Variants in ANKRD10 observed in about 807,000 individuals in gnomAD.
The protein encoded by ANKRD10 is ankyrin repeat domain-containing protein 10.
A neutral mutation model predicts 27.0 loss-of-function variants in ANKRD10; 14 were observed. That is an observed-to-expected ratio of 0.52 (90% CI 0.34 to 0.81). ANKRD10 has a LOEUF of 0.81. Among genes scored for constraint, ANKRD10 ranks in the 40% least tolerant of loss-of-function variants. The pLI is 0.01. For synonymous variants in ANKRD10, 250 were observed against 224.5 expected (o/e 1.11, Z -1.01); for missense variants, 493 against 544.0 (o/e 0.91, Z 0.93).
At chr13:110,883,907 A>C (rs1036186245) in intron 4 of ANKRD10, 114 bp from the exon 5 acceptor site, 1 of 1,251,806 alleles carries the variant, frequency 8.0e-7, no homozygotes, top group African/African-American at 1.5e-5. Context: ...CAATCACATA[A>C]AAAAAAATCG....
rs76610068 is a variant in ANKRD10 at position 110,913,192 on chromosome 13, C to A, written c.210+1533G>T. Among the ~76,000 whole-genome samples, 1,100 of 152,310 alleles carry A rather than the reference C, an allele frequency of 7.2e-3. 5 individuals carry two copies. Among genetic ancestry groups the A allele is most frequent in the Non-Finnish European group, 0.012 (791 of 68,034 alleles). ...TTTAAGCATTCTACAGATCGTTGTT[C>A]ACTGACTATCACCCAGTATTGTGTC... On this transcript the variant is annotated intron_variant, in intron 1 of 5. Transcript: ENST00000267339.
chr13:110,910,538 A>ATTGC, intron 2 of ANKRD10, 80 bp downstream of exon 2: 3 of 1,539,388 alleles, frequency 1.9e-6, no homozygotes, highest in Admixed American at 3.9e-5. Flanking sequence ...TAAGGCCTCG[A>ATTGC]TTTAAAGCAA....
chr13:110,890,178 T>C (rs1232175399), intron 4 of ANKRD10, among the ~76,000 whole-genome samples: 1 of 152,104 alleles, frequency 6.6e-6, no homozygotes, highest in East Asian at 1.9e-4. Context: ...TAAAGCAACA[T>C]ATCTTTAATT....
intron 3 of ANKRD10, chr13:110,905,184 C>T (rs370371431): frequency 3.2e-4 from 48 of 152,308 alleles, no homozygotes; most frequent in African/African-American, 1.1e-3. Flanking sequence ...CTATAGCTTA[C>T]ACTCAACATT....
At position 110,879,779 on chromosome 13, in the gene ANKRD10, T is replaced by C. The variant is rs766446777; in HGVS notation, c.1121A>G (p.Tyr374Cys). The C allele has an allele frequency of 1.2e-6, 2 of 1,614,100 alleles. No individual in the cohort carries two copies. The highest frequency in any genetic ancestry group is 2.2e-5 in the South Asian group (2 of 91,086). ...WVEDIGDNLY[Y>C]GHYHGFGDTA... Reference sequence around the variant, plus strand: ...GTCCCCAAACCCGTGGTAGTGTCCATAGTACAGGTTATCCCCAATGTCTTC... The same window carrying C: ...GTCCCCAAACCCGTGGTAGTGTCCACAGTACAGGTTATCCCCAATGTCTTC... Residue 374 changes from tyrosine to cysteine, a missense_variant, in exon 6 of 6, where the codon TAT becomes TGT. Physicochemically the swap from Tyr to Cys is radical, Grantham distance 194. Transcript: ENST00000267339.
rs1411764516 is a variant in ANKRD10, at chr13:110,893,059, TTC to T, written c.658_659del (p.Glu220ArgfsTer8). The T allele has an allele frequency of 2.5e-6, 4 of 1,614,240 alleles. No homozygotes were observed. Among genetic ancestry groups the T allele is most frequent in the Non-Finnish European group, 3.4e-6 (4 of 1,180,024 alleles). ...TNRKRCLEDS[E>X]DFGVKKARTE... is the part of the protein sequence containing the mutation. Reference sequence around the variant, plus strand: ...TTCTAGCTTTCTTTACTCCAAAGTCTTCTGAGTCTTCCAAGCATCTCTTTCGA... The same window carrying T: ...TTCTAGCTTTCTTTACTCCAAAGTCTTGAGTCTTCCAAGCATCTCTTTCGA... On this transcript the variant is annotated frameshift_variant, in exon 4 of 6. Coordinates refer to ENST00000267339, the MANE Select transcript of ANKRD10 (RefSeq NM_017664.4). LOFTEE classifies it high-confidence loss of function.
intron 3 of ANKRD10, among the ~76,000 whole-genome samples, chr13:110,893,623 A>G (rs760982451): frequency 5.3e-5 from 8 of 152,230 alleles, no homozygotes; most frequent in Admixed American, 3.3e-4. Context: ...CCATTCCTTT[A>G]GCGTGAATAA....
At chr13:110,909,283 T>A (rs1433579748) in intron 2 of ANKRD10, among the ~76,000 whole-genome samples, 2 of 152,182 alleles carry the variant, frequency 1.3e-5, no homozygotes, top group African/African-American at 2.4e-5. Context: ...ATTTTACTGA[T>A]AAAGAGATTG....
chr13:110,905,902 T>C, intron 3 of ANKRD10, 131 bp downstream of exon 3: 1 of 817,044 alleles, frequency 1.2e-6, no homozygotes, highest in South Asian at 1.9e-5. Context: ...CACCAACTGT[T>C]CTAAAAGGCA....
At chr13:110,882,673 C>A (rs2064841838) in intron 5 of ANKRD10, among the ~76,000 whole-genome samples, 1 of 152,082 alleles carries the variant, frequency 6.6e-6, no homozygotes, top group South Asian at 2.1e-4. Flanking sequence ...TACAGAAAAC[C>A]TATTATTTTA....
intron 3 of ANKRD10, among the ~76,000 whole-genome samples, chr13:110,896,262 CAG>C (rs2065223656): frequency 6.6e-6 from 1 of 152,246 alleles, no homozygotes; most frequent in Non-Finnish European, 1.5e-5. Context: ...TTATCGGAAA[CAG>C]AAATATCCAG....
intron 1 of ANKRD10, among the ~76,000 whole-genome samples, chr13:110,911,460 A>ACAC (rs1478382418): frequency 7.2e-5 from 10 of 138,764 alleles, no homozygotes; most frequent in African/African-American, 5.5e-5. Context: ...TCAAACACCA[A>ACAC]CACCACCACC....
chr13:110,902,175 A>G (rs1007170315), intron 3 of ANKRD10, among the ~76,000 whole-genome samples: 1 of 152,128 alleles, frequency 6.6e-6, no homozygotes, highest in African/African-American at 2.4e-5. Flanking sequence ...TAACTGAAAT[A>G]TTATTCTGAT....
At chr13:110,897,867 T>A (rs1354803970) in intron 3 of ANKRD10, among the ~76,000 whole-genome samples, 1 of 152,238 alleles carries the variant, frequency 6.6e-6, no homozygotes, top group Non-Finnish European at 1.5e-5. Flanking sequence ...TTTGTTACTG[T>A]CTTTTGGTAA....
chr13:110,883,889 A>G (rs776805005), intron 4 of ANKRD10, 96 bp from the exon 5 acceptor site: 47 of 1,373,658 alleles, frequency 3.4e-5, no homozygotes, highest in Non-Finnish European at 4.3e-5. Flanking sequence ...AGCACTGAAC[A>G]CTTTAAACAA....
intron 4 of ANKRD10, among the ~76,000 whole-genome samples, chr13:110,890,257 T>C (rs759968608): frequency 7.2e-5 from 11 of 152,292 alleles, no homozygotes; most frequent in South Asian, 2.1e-4. Context: ...AACAATTTCA[T>C]GTAGAACATT....
chr13:110,886,067 C>T (rs1307529943), intron 4 of ANKRD10, among the ~76,000 whole-genome samples: 1 of 152,250 alleles, frequency 6.6e-6, no homozygotes, highest in Non-Finnish European at 1.5e-5. Context: ...GCTGGCATAG[C>T]CTGTAATACA....
At chr13:110,882,549 G>A (rs1053687967) in intron 5 of ANKRD10, among the ~76,000 whole-genome samples, 1 of 152,148 alleles carries the variant, frequency 6.6e-6, no homozygotes, top group Non-Finnish European at 1.5e-5. Flanking sequence ...AATGTCTGAG[G>A]AATAAAAGGT....
At position 110,883,666 on chromosome 13, in the gene ANKRD10, G is replaced by A. The variant is rs535429517; in HGVS notation, c.787+32C>T. 7.6e-5 allele frequency: 122 copies of A among 1,611,928 alleles called. 3 individuals carry two copies. In the South Asian group the frequency reaches 1.3e-3, roughly 17 times the overall value. On this transcript the variant is annotated intron_variant, in intron 5 of 5. Transcript: ENST00000267339. ...TGGTGTCTTCAACCATTGGATTGTT[G>A]TTGCAGCTAACAGGAAACTGTCCAC...
Sources: gnomAD v4.1 joint callset for allele counts (sites outside exome capture counted in the v4.1 genomes callset) on GRCh38, gnomAD v4.1.1 for gene constraint, MANE v1.5 for transcripts, NCBI Gene and HGNC (gene_info 2026-07-23, HGNC 2026-07-21) for gene names.